Variants in ARG2 observed in about 807,000 individuals in gnomAD.
The protein encoded by ARG2 is arginase-2, mitochondrial.
In ARG2, 21 loss-of-function variants were observed where a neutral mutation model predicts 39.4. The observed-to-expected ratio is 0.53, with a 90% CI of 0.38 to 0.77. The LOEUF is 0.77. Ranked by LOEUF, ARG2 falls within the 30% of genes least tolerant of loss-of-function variation. ARG2 has a pLI of 0.00. For synonymous variants in ARG2, 150 were observed against 156.7 expected (o/e 0.96, Z 0.32); for missense variants, 378 against 426.2 (o/e 0.89, Z 1.00).
intron 3 of ARG2, among the ~76,000 whole-genome samples, chr14:67,644,729 T>G (rs2037074176): frequency 6.6e-6 from 1 of 152,226 alleles, no homozygotes. Flanking sequence ...CTGGGCATAG[T>G]GGCTCACGCC....
At chr14:67,640,926 T>A (rs1382207342) in intron 2 of ARG2, among the ~76,000 whole-genome samples, 1 of 152,156 alleles carries the variant, frequency 6.6e-6, no homozygotes, top group Non-Finnish European at 1.5e-5. Context: ...TGTTCCAAAA[T>A]CTGAAACTTT....
At position 67,650,938 on chromosome 14, in the gene ARG2, CAT is replaced by C; in HGVS notation, c.*19_*20del. ...GAATTTAGGAGACACTGTGCACTGA[CAT>C]GTTTCACAACAGGCATTCCAGAATT... is the stretch of plus-strand genomic sequence containing the variant. On this transcript the variant is annotated 3_prime_UTR_variant, in exon 8 of 8. Coordinates refer to ENST00000261783, the MANE Select transcript of ARG2 (RefSeq NM_001172.4). 6.2e-7 allele frequency: 1 copy of C among 1,609,030 alleles called. No individual in the cohort carries two copies. Among genetic ancestry groups the C allele is most frequent in the Non-Finnish European group, 8.5e-7 (1 of 1,176,250 alleles).
chr14:67,650,969 A>C lies in ARG2; in HGVS notation c.*49A>C, dbSNP rs1202059933. The C allele has an allele frequency of 1.3e-6, 2 of 1,551,220 alleles. No homozygotes were observed. The highest frequency in any genetic ancestry group is 1.8e-6 in the Non-Finnish European group (2 of 1,128,906). ...TCACAACAGGCATTCCAGAATTATG[A>C]GGCATTGAGGGGATAGATGAATACT... is the stretch of plus-strand genomic sequence containing the variant. On this transcript the variant is annotated 3_prime_UTR_variant, in exon 8 of 8. Coordinates refer to ENST00000261783, the MANE Select transcript of ARG2 (RefSeq NM_001172.4).
At position 67,651,494 on chromosome 14, in the gene ARG2, G is replaced by A; in HGVS notation, c.*574G>A. 6.2e-7 allele frequency: 1 copy of A among 1,613,034 alleles called. No individual in the cohort carries two copies. The highest frequency in any genetic ancestry group is 8.5e-7 in the Non-Finnish European group (1 of 1,179,238). ...GTTGGTTGTCACTCTACAAAGAGAA[G>A]CAAAGTGGGGAGTAGTCAGAAGTTT... On this transcript the variant is annotated 3_prime_UTR_variant, in exon 8 of 8. Transcript: ENST00000261783.
At chr14:67,642,486 T>C (rs1052540700) in intron 3 of ARG2, 123 bp downstream of exon 3, 3 of 1,172,958 alleles carry the variant, frequency 2.6e-6, no homozygotes, top group South Asian at 1.6e-5. Context: ...AGGGTAGATA[T>C]TAAAATGAAC....
chr14:67,620,991 T>A, intron 2 of ARG2, 25 bp downstream of exon 2: 1 of 1,608,212 alleles, frequency 6.2e-7, no homozygotes, highest in Non-Finnish European at 8.5e-7. Context: ...TTTTAGATAT[T>A]AGTGCAGGAC....
At chr14:67,639,325 TTTC>T (rs1469376123) in intron 2 of ARG2, among the ~76,000 whole-genome samples, 1 of 152,224 alleles carries the variant, frequency 6.6e-6, no homozygotes, top group Non-Finnish European at 1.5e-5. Context: ...TTTCCCTGTA[TTTC>T]TTCTTGGTCC....
chr14:67,648,267 A>C, intron 7 of ARG2, 84 bp downstream of exon 7: 1 of 1,454,936 alleles, frequency 6.9e-7, no homozygotes, highest in Non-Finnish European at 9.3e-7. Flanking sequence ...CTTTTCTGCT[A>C]TTCCACATCA....
At chr14:67,644,997 T>G (rs1229646476) in intron 3 of ARG2, among the ~76,000 whole-genome samples, 1 of 132,434 alleles carries the variant, frequency 7.6e-6, no homozygotes, top group Non-Finnish European at 1.6e-5. Flanking sequence ...GACTCCGTCT[T>G]AAAAAAAAAA....
At chr14:67,643,590 A>G (rs573342323) in intron 3 of ARG2, among the ~76,000 whole-genome samples, 4 of 152,306 alleles carry the variant, frequency 2.6e-5, no homozygotes, top group African/African-American at 9.6e-5. Flanking sequence ...TCAGGAGGCC[A>G]AGGTGGGAGG....
intron 3 of ARG2, among the ~76,000 whole-genome samples, chr14:67,642,788 ATTTT>A (rs1187147377): frequency 5.9e-5 from 2 of 33,734 alleles, no homozygotes; most frequent in Non-Finnish European, 1.3e-4. Context: ...ATGTTACTAC[ATTTT>A]CTTTTTTTTT....
rs774452622 is a variant in ARG2 at position 67,645,808 on chromosome 14, T to C, written c.522+6T>C. ...TCAGAGAACTACAGGATAAGGTCAG[T>C]GGGCCAAAACGAAAAGAAAGGTGAA... On this transcript the variant is annotated splice_donor_region_variant and intron_variant, in intron 4 of 7. Transcript: ENST00000261783. 4 of 1,613,286 alleles carry C rather than the reference T, an allele frequency of 2.5e-6. No homozygotes were observed. The highest frequency in any genetic ancestry group is 3.4e-6 in the Non-Finnish European group (4 of 1,179,696).
chr14:67,627,256 G>GATATATATATATATATAT lies in ARG2; in HGVS notation c.184+6299_184+6316dup, dbSNP rs3070464. ...ACTAGGCAATTGTGATCAGTAAGGAGATATATATATATATATATATATATA... is the reference window on the plus strand; with the variant it reads ...ACTAGGCAATTGTGATCAGTAAGGAGATATATATATATATATATATATATATATATATATATATATATA... On this transcript the variant is annotated intron_variant, in intron 2 of 7. Coordinates refer to ENST00000261783, the MANE Select transcript of ARG2 (RefSeq NM_001172.4). Among the ~76,000 whole-genome samples, 515 of 133,600 alleles carry GATATATATATATATATAT rather than the reference G, an allele frequency of 3.9e-3. 6 individuals carry two copies. Among genetic ancestry groups the GATATATATATATATATAT allele is most frequent in the East Asian group, 0.01 (47 of 4,620 alleles). The allele number at this position is 133,600 out of a possible 152,430, so 87.6% of individuals were successfully genotyped here.
intron 2 of ARG2, among the ~76,000 whole-genome samples, chr14:67,623,766 T>C (rs947162388): frequency 1.3e-5 from 2 of 152,108 alleles, no homozygotes; most frequent in African/African-American, 4.8e-5. Flanking sequence ...GATCTCGAAC[T>C]CCTGACCTCA....
chr14:67,648,393 A>G (rs759921355), intron 7 of ARG2: 5 of 444,594 alleles, frequency 1.1e-5, no homozygotes, highest in Non-Finnish European at 1.9e-5. Flanking sequence ...AAATTACACT[A>G]AGGTAATAAT....
intron 2 of ARG2, among the ~76,000 whole-genome samples, chr14:67,623,789 A>C (rs1331390093): frequency 6.6e-6 from 1 of 151,988 alleles, no homozygotes; most frequent in East Asian, 1.9e-4. Flanking sequence ...TGATCTGCCC[A>C]TCTAGGCCTC....
intron 4 of ARG2, 144 bp from the exon 5 acceptor site, chr14:67,646,500 C>A (rs998791446): frequency 1.5e-5 from 9 of 600,936 alleles, no homozygotes; most frequent in East Asian, 2.8e-5. Context: ...TTCTCCTTCC[C>A]AGATCAAGTG....
At chr14:67,628,349 A>T (rs12433361) in intron 2 of ARG2, among the ~76,000 whole-genome samples, 50,234 of 152,096 alleles carry the variant, frequency 0.33, 8,937 homozygotes, top group African/African-American at 0.46. Context: ...CTCAGCCTTC[A>T]GGATAGCTGG....
intron 2 of ARG2, among the ~76,000 whole-genome samples, 185 bp downstream of exon 2, chr14:67,621,151 A>G (rs1294865796): frequency 6.6e-6 from 1 of 152,166 alleles, no homozygotes; most frequent in Non-Finnish European, 1.5e-5. Context: ...TTCTTGCAAT[A>G]AAGAGTGTGT....
Sources: gnomAD v4.1 joint callset for allele counts (sites outside exome capture counted in the v4.1 genomes callset) on GRCh38, gnomAD v4.1.1 for gene constraint, MANE v1.5 for transcripts, NCBI Gene and HGNC (gene_info 2026-07-23, HGNC 2026-07-21) for gene names.